The following KCNAB1 variants were observed in gnomAD, a reference collection of about 807,000 sequenced individuals.
KCNAB1 encodes the protein potassium voltage-gated channel subfamily A regulatory beta subunit 1.
Under a neutral mutation model 64.6 loss-of-function variants are expected in KCNAB1, and 35 were observed. That is an observed-to-expected ratio of 0.54 (90% confidence interval 0.41 to 0.72). The LOEUF is 0.72. Among genes scored for constraint, KCNAB1 ranks in the 30% least tolerant of loss-of-function variants. The probability of loss-of-function intolerance (pLI) is 0.00; values close to 1 mark genes in which losing one functional copy is unlikely to be tolerated. For missense variants in KCNAB1, 401 were observed against 512.9 expected (o/e 0.78, Z 2.11); for synonymous variants, 177 against 183.8 (o/e 0.96, Z 0.30).
At chr3:156,137,550 C>T (rs1714427681) in intron 1 of KCNAB1, among the ~76,000 whole-genome samples, 1 of 150,138 alleles carries the variant, frequency 6.7e-6, no homozygotes, top group South Asian at 2.1e-4. Context: ...TGCAAACTTC[C>T]TCTTTTTTTT....
chr3:156,265,803 G>T (rs768479169), intron 1 of KCNAB1, among the ~76,000 whole-genome samples: 4 of 152,194 alleles, frequency 2.6e-5, no homozygotes, highest in Non-Finnish European at 5.9e-5. Context: ...GACCATCCTG[G>T]CCAACATGGT....
intron 1 of KCNAB1, among the ~76,000 whole-genome samples, chr3:156,231,351 G>A (rs964925227): frequency 1.3e-5 from 2 of 151,916 alleles, no homozygotes; most frequent in African/African-American, 2.4e-5. Context: ...TCTGACTCTG[G>A]CATAACAAGG....
intron 1 of KCNAB1, among the ~76,000 whole-genome samples, chr3:156,169,435 G>A (rs1488887983): frequency 6.6e-6 from 1 of 152,176 alleles, no homozygotes; most frequent in East Asian, 1.9e-4. Flanking sequence ...AAGAAATTTA[G>A]TCAGGAATGA....
At chr3:156,315,881 A>G (rs1446310253) in intron 1 of KCNAB1, among the ~76,000 whole-genome samples, 1 of 152,218 alleles carries the variant, frequency 6.6e-6, no homozygotes, top group Admixed American at 6.5e-5. Context: ...TTTGAACTGT[A>G]CATTGAAATA....
intron 1 of KCNAB1, among the ~76,000 whole-genome samples, chr3:156,273,232 T>C (rs115773642): frequency 3.7e-3 from 562 of 152,246 alleles, no homozygotes; most frequent in African/African-American, 0.013. Context: ...AGATGTCTAA[T>C]TAGGTTACAC....
At chr3:156,332,565 G>C (rs1262167381) in intron 1 of KCNAB1, among the ~76,000 whole-genome samples, 2 of 152,056 alleles carry the variant, frequency 1.3e-5, no homozygotes, top group Non-Finnish European at 2.9e-5. Context: ...TCAGAGTGTC[G>C]TGACATCTGC....
At chr3:156,345,071 T>G (rs1477257622) in intron 1 of KCNAB1, among the ~76,000 whole-genome samples, 1 of 152,238 alleles carries the variant, frequency 6.6e-6, no homozygotes, top group Non-Finnish European at 1.5e-5. Flanking sequence ...TGTACCTTAA[T>G]TGCATGCTGT....
chr3:156,482,269 A>T (rs1256629764), intron 8 of KCNAB1, among the ~76,000 whole-genome samples: 1 of 152,078 alleles, frequency 6.6e-6, no homozygotes, highest in African/African-American at 2.4e-5. Context: ...AGAAAAAAAA[A>T]ACAACTCAAT....
chr3:156,130,697 C>A (rs1713944376), intron 1 of KCNAB1, among the ~76,000 whole-genome samples: 3 of 152,220 alleles, frequency 2.0e-5, no homozygotes, highest in African/African-American at 7.2e-5. Flanking sequence ...ACAAAGATGT[C>A]ATTTTAGTAA....
intron 1 of KCNAB1, among the ~76,000 whole-genome samples, chr3:156,237,880 T>C (rs1299645759): frequency 1.3e-5 from 2 of 152,184 alleles, no homozygotes; most frequent in Non-Finnish European, 2.9e-5. Context: ...GCAGGTGCCA[T>C]CAGAACCAGG....
intron 1 of KCNAB1, among the ~76,000 whole-genome samples, chr3:156,345,445 A>G (rs1239062915): frequency 1.3e-5 from 2 of 152,214 alleles, no homozygotes; most frequent in South Asian, 2.1e-4. Flanking sequence ...TTAACATTGT[A>G]TTATGGCCTA....
At position 156,307,944 on chromosome 3, in the gene KCNAB1, G is replaced by A. The variant is rs1392008592; in HGVS notation, c.276-113672G>A. Among the ~76,000 whole-genome samples, 3 of 152,196 alleles carry A rather than the reference G, an allele frequency of 2.0e-5. No individual in the cohort carries two copies. The East Asian group carries it at 5.8e-4, about 29-fold the overall frequency. On this transcript the variant is annotated intron_variant, in intron 1 of 13. Coordinates refer to ENST00000490337, the MANE Select transcript of KCNAB1 (RefSeq NM_172160.3). ...CACTGTGCCAGGCACTGTTCCGGGT[G>A]TTGAGGATAAGGGAGTGAACGAAAT... is the stretch of plus-strand genomic sequence containing the variant.
chr3:156,427,347 A>C (rs535887308), intron 2 of KCNAB1, among the ~76,000 whole-genome samples: 54 of 152,106 alleles, frequency 3.6e-4, no homozygotes, highest in Non-Finnish European at 6.6e-4. Context: ...TGATGACCCT[A>C]TGATTGTCAT....
chr3:156,238,150 G>A (rs1390309979), intron 1 of KCNAB1, among the ~76,000 whole-genome samples: 2 of 152,174 alleles, frequency 1.3e-5, no homozygotes, highest in Admixed American at 6.5e-5. Flanking sequence ...CCGGCCGGGC[G>A]TGGTGGCTCA....
At chr3:156,243,121 G>T (rs1207247043) in intron 1 of KCNAB1, among the ~76,000 whole-genome samples, 1 of 152,064 alleles carries the variant, frequency 6.6e-6, no homozygotes, top group Non-Finnish European at 1.5e-5. Flanking sequence ...TGTTGGTCAG[G>T]CTGGTCTTGA....
chr3:156,467,287 C>T (rs116143709), intron 7 of KCNAB1, among the ~76,000 whole-genome samples: 172 of 152,034 alleles, frequency 1.1e-3, no homozygotes, highest in African/African-American at 4.0e-3. Flanking sequence ...GTTGAAAAAC[C>T]ATAAGTCAAA....
intron 1 of KCNAB1, among the ~76,000 whole-genome samples, chr3:156,297,948 C>G (rs1720909058): frequency 6.6e-6 from 1 of 152,026 alleles, no homozygotes; most frequent in South Asian, 2.1e-4. Context: ...TTTGAAATGC[C>G]AAGTTTCTTG....
At chr3:156,158,370 A>G (rs547241682) in intron 1 of KCNAB1, among the ~76,000 whole-genome samples, 1 of 152,224 alleles carries the variant, frequency 6.6e-6, no homozygotes, top group Non-Finnish European at 1.5e-5. Flanking sequence ...CGTTAGTCAT[A>G]TCTCTACTGA....
rs1351593307 is a variant in KCNAB1, at chr3:156,452,369, G to A, written c.320-530G>A. Among the ~76,000 whole-genome samples the A allele has an allele frequency of 2.0e-5, 3 of 152,324 alleles. No individual in the cohort carries two copies. Among genetic ancestry groups the A allele is most frequent in the African/African-American group, 7.2e-5 (3 of 41,568 alleles). Reference sequence around the variant, plus strand: ...TTTCCATTCTGGAATGGCAGGTTATGACAGAGAAGGCACATAAGTGTCACC... The same window carrying A: ...TTTCCATTCTGGAATGGCAGGTTATAACAGAGAAGGCACATAAGTGTCACC... On this transcript the variant is annotated intron_variant, in intron 2 of 13. Coordinates refer to ENST00000490337, the MANE Select transcript of KCNAB1 (RefSeq NM_172160.3). This position sits in a 1 kb window ranked among gnomAD's most constrained non-coding sequence, Gnocchi z 4.6.
Sources: allele counts gnomAD v4.1 joint callset (sites outside exome capture counted in the v4.1 genomes callset), GRCh38; gene constraint gnomAD v4.1.1; non-coding constraint Gnocchi (gnomAD v3.1); transcripts MANE v1.5; gene names NCBI Gene and HGNC (gene_info 2026-07-23, HGNC 2026-07-21).